Variants in AADACL2 observed in about 807,000 individuals in gnomAD.
AADACL2 encodes the protein arylacetamide deacetylase-like 2.
In AADACL2, 23 loss-of-function variants were observed where a neutral mutation model predicts 22.3. The ratio of observed to expected loss-of-function variants is 1.03; its 90% confidence interval spans 0.74 to 1.46. The LOEUF (loss-of-function observed/expected upper bound fraction) is 1.46, where lower values mean the gene tolerates loss of function less well. AADACL2 is among the 40% of genes most tolerant of loss of function. The pLI is 0.00. For missense variants in AADACL2, 472 were observed against 482.9 expected (o/e 0.98, Z 0.21); for synonymous variants, 177 against 166.2 (o/e 1.07, Z -0.50).
intron 2 of AADACL2, 29 bp from the exon 3 acceptor site, chr3:151,744,064 A>C (rs1461720192): frequency 6.2e-7 from 1 of 1,605,002 alleles, no homozygotes. Flanking sequence ...ATTACAGGAA[A>C]TACTTTGATG....
intron 4 of AADACL2, 59 bp from the exon 5 acceptor site, chr3:151,756,933 T>C: frequency 6.7e-7 from 1 of 1,492,960 alleles, no homozygotes; most frequent in East Asian, 2.3e-5. Flanking sequence ...TAATTAAATT[T>C]TTTTTCTCCT....
Position 151,760,465 on chromosome 3 carries a change from C to T in AADACL2, c.*2871C>T, listed in dbSNP as rs1560290005. 6.6e-6 allele frequency: 1 copy of T among 152,144 alleles called. No homozygotes were observed. The highest frequency in any genetic ancestry group is 1.5e-5 in the Non-Finnish European group (1 of 68,010). 9.4% of individuals were successfully genotyped at this position (152,144 alleles called of 1,614,324 possible). On this transcript the variant is annotated 3_prime_UTR_variant, in exon 5 of 5. Coordinates refer to ENST00000356517, the MANE Select transcript of AADACL2 (RefSeq NM_207365.4). ...AGCTCCATAACCTACCTTTATACCACCCAGGGAAAGTATACAGAAGAAATT... is the reference window on the plus strand; with the variant it reads ...AGCTCCATAACCTACCTTTATACCATCCAGGGAAAGTATACAGAAGAAATT...
At chr3:151,747,486 A>G (rs1713492330) in intron 4 of AADACL2, among the ~76,000 whole-genome samples, 1 of 152,126 alleles carries the variant, frequency 6.6e-6, no homozygotes, top group Non-Finnish European at 1.5e-5. Flanking sequence ...TAGGTTCTAC[A>G]TAAAAGCAAG....
At chr3:151,754,317 T>G (rs1713792538) in intron 4 of AADACL2, among the ~76,000 whole-genome samples, 1 of 152,084 alleles carries the variant, frequency 6.6e-6, no homozygotes, top group African/African-American at 2.4e-5. Context: ...AAGTATAAAC[T>G]TAGGAGACCA....
chr3:151,738,143 T>C (rs983647586), intron 1 of AADACL2, among the ~76,000 whole-genome samples: 1 of 152,148 alleles, frequency 6.6e-6, no homozygotes, highest in African/African-American at 2.4e-5. Flanking sequence ...TCCATATTTA[T>C]TTCCTTTCCA....
intron 4 of AADACL2, among the ~76,000 whole-genome samples, chr3:151,753,213 A>C (rs1049206664): frequency 6.6e-6 from 1 of 152,202 alleles, no homozygotes; most frequent in African/African-American, 2.4e-5. Context: ...AGTCCATCAG[A>C]AGCAGAAATA....
chr3:151,751,748 C>T lies in AADACL2; in HGVS notation c.604-5244C>T, dbSNP rs146889701. On this transcript the variant is annotated intron_variant, in intron 4 of 4. Transcript: ENST00000356517. Reference sequence around the variant, plus strand: ...ACAATTGGATGTAGCCATACAGATTCGTGAATATGTGATACCCTACCTTAT... The same window carrying T: ...ACAATTGGATGTAGCCATACAGATTTGTGAATATGTGATACCCTACCTTAT... Among the ~76,000 whole-genome samples, 513 of 152,036 alleles carry T rather than the reference C, an allele frequency of 3.4e-3. 5 individuals carry two copies. Among genetic ancestry groups the T allele is most frequent in the African/African-American group, 0.012 (483 of 41,498 alleles).
rs756807493 is a variant in AADACL2 at position 151,744,172 on chromosome 3, A to AT, written c.431+17dup. The AT allele has an allele frequency of 3.1e-6, 5 of 1,612,862 alleles. No homozygotes were observed. Among genetic ancestry groups the AT allele is most frequent in the South Asian group, 1.1e-5 (1 of 90,820 alleles). On this transcript the variant is annotated intron_variant, in intron 3 of 4. Transcript: ENST00000356517. ...TTGTTGTAGGCGTGGAGTAAGAATGATTTTTTTCTGGCTACTATGATTTTT... is the reference window on the plus strand; with the variant it reads ...TTGTTGTAGGCGTGGAGTAAGAATGATTTTTTTTCTGGCTACTATGATTTTT...
In AADACL2 at chr3:151,757,824, T is replaced by G; in HGVS notation, c.*230T>G. 1 of 354,846 alleles carries G rather than the reference T, an allele frequency of 2.8e-6. No individual in the cohort carries two copies. The highest frequency in any genetic ancestry group is 5.0e-6 in the Non-Finnish European group (1 of 201,760). The allele number at this position is 354,846 out of a possible 1,614,324, so 22.0% of individuals were successfully genotyped here. A position where few individuals can be genotyped will look rare whatever the true frequency, so the allele number is the denominator to read the frequency against. On this transcript the variant is annotated 3_prime_UTR_variant, in exon 5 of 5. Transcript: ENST00000356517. ...TCTCCTTACTTATAATTTATTATAA[T>G]TATGTTGGTTCTAATAAGAACCAAT...
intron 1 of AADACL2, among the ~76,000 whole-genome samples, chr3:151,737,319 G>A (rs749545931): frequency 2.0e-5 from 3 of 151,834 alleles, no homozygotes; most frequent in African/African-American, 2.4e-5. Context: ...GCTGTGGTCC[G>A]AGAGACTTTT....
chr3:151,742,904 C>T (rs1434719114), intron 2 of AADACL2, among the ~76,000 whole-genome samples: 1 of 152,050 alleles, frequency 6.6e-6, no homozygotes, highest in Non-Finnish European at 1.5e-5. Flanking sequence ...TTGAGGGATG[C>T]CAGCTGATTC....
At chr3:151,742,425 GAAAC>G (rs1044864729) in intron 2 of AADACL2, among the ~76,000 whole-genome samples, 6 of 152,100 alleles carry the variant, frequency 3.9e-5, no homozygotes, top group Non-Finnish European at 8.8e-5. Flanking sequence ...ATAAAAATGG[GAAAC>G]AAACAAGCAA....
chr3:151,748,191 A>G (rs1713523722), intron 4 of AADACL2, among the ~76,000 whole-genome samples: 2 of 152,092 alleles, frequency 1.3e-5, no homozygotes, highest in Admixed American at 1.3e-4. Flanking sequence ...TAGTGCTTAG[A>G]CTAATATAAA....
chr3:151,735,792 T>C (rs1368897861), intron 1 of AADACL2, among the ~76,000 whole-genome samples: 1 of 151,996 alleles, frequency 6.6e-6, no homozygotes, highest in Non-Finnish European at 1.5e-5. Context: ...ATTAAGAAAA[T>C]AAAGTATAGT....
intron 4 of AADACL2, among the ~76,000 whole-genome samples, chr3:151,749,780 C>T (rs1163410072): frequency 1.8e-4 from 27 of 151,238 alleles, no homozygotes; most frequent in South Asian, 4.2e-4. Flanking sequence ...TGCACCCGGC[C>T]CAGACTTTTT....
In AADACL2 at chr3:151,749,353, A is replaced by G. The variant is rs112109679; in HGVS notation, c.603+3673A>G. 6.3e-3 allele frequency among the ~76,000 whole-genome samples: 957 copies of G among 152,316 alleles called. 12 individuals are homozygous for G. Among genetic ancestry groups the G allele is most frequent in the African/African-American group, 0.022 (912 of 41,574 alleles). ...TTAAGATAGTTTGTTGTTGGTATATAGAAATGCAAGTGATTTTTCTATGTT... is the reference window on the plus strand; with the variant it reads ...TTAAGATAGTTTGTTGTTGGTATATGGAAATGCAAGTGATTTTTCTATGTT... On this transcript the variant is annotated intron_variant, in intron 4 of 4. Transcript: ENST00000356517.
intron 1 of AADACL2, 68 bp downstream of exon 1, chr3:151,734,241 G>T: frequency 1.3e-6 from 2 of 1,510,116 alleles, no homozygotes; most frequent in South Asian, 2.5e-5. Flanking sequence ...GGGTGCTTAT[G>T]AACTCTTTTA....
rs1450277952 is a variant in AADACL2 at position 151,757,406 on chromosome 3, C to T, written c.1018C>T (p.His340Tyr). The T allele has an allele frequency of 1.2e-6, 2 of 1,613,722 alleles. No homozygotes were observed. The highest frequency in any genetic ancestry group is 3.3e-5 in the Admixed American group (2 of 59,996). ...ACTAACCTATATTCTTACTTGTCAA[C>T]ATGATCTCTTAAGAGATGATGGACT... The part of the protein sequence containing the change: ...LPLTYILTCQ[H>Y]DLLRDDGLMY... The change falls in exon 5 of 5, where the codon CAT becomes TAT. Residue 340 changes from histidine (H) to tyrosine (Y), a missense_variant. Physicochemically the swap from His to Tyr is moderately conservative, Grantham distance 83. Coordinates refer to ENST00000356517, the MANE Select transcript of AADACL2 (RefSeq NM_207365.4).
At position 151,761,196 on chromosome 3, in the gene AADACL2, C is replaced by G. The variant is rs28509431; in HGVS notation, c.*3602C>G. The G allele has an allele frequency of 1.4e-5, 1 of 72,652 alleles. No homozygotes were observed. The highest frequency in any genetic ancestry group is 4.9e-5 in the African/African-American group (1 of 20,506). 4.5% of individuals were successfully genotyped at this position (72,652 alleles called of 1,614,324 possible). The stretch of plus-strand genomic sequence containing the variant: ...ATTTATATATATGGTGAGATATATA[C>G]ATATTGTGATATATATATATATATA... On this transcript the variant is annotated 3_prime_UTR_variant, in exon 5 of 5. Coordinates refer to ENST00000356517, the MANE Select transcript of AADACL2 (RefSeq NM_207365.4).
Sources: gnomAD v4.1 joint callset for allele counts (sites outside exome capture counted in the v4.1 genomes callset) on GRCh38, gnomAD v4.1.1 for gene constraint, MANE v1.5 for transcripts, NCBI Gene and HGNC (gene_info 2026-07-23, HGNC 2026-07-21) for gene names.